The following SAMD5 variants were observed in gnomAD, a reference collection of about 807,000 sequenced individuals.
The protein encoded by SAMD5 is sterile alpha motif domain containing 5.
Under a neutral mutation model 11.3 loss-of-function variants are expected in SAMD5, and 13 were observed. The ratio of observed to expected loss-of-function variants is 1.15; its 90% CI spans 0.75 to 1.83. The LOEUF (loss-of-function observed/expected upper bound fraction) is 1.83, where lower values mean the gene tolerates loss of function less well. Among genes scored for constraint, SAMD5 ranks in the 40% most tolerant of loss-of-function variants. The pLI is 0.00. For missense variants in SAMD5, 255 were observed against 239.1 expected, an observed-to-expected ratio of 1.07 and a Z score of -0.44; for synonymous variants, 129 against 111.3, an observed-to-expected ratio of 1.16 and a Z score of -1.00.
At chr6:147,742,645 AG>A in the SAMD5 span, among the ~76,000 whole-genome samples, 1 of 152,292 alleles carries the variant, frequency 6.6e-6, no homozygotes, top group Admixed American at 6.5e-5. Flanking sequence ...CATGGGCTGA[AG>A]GGGGCAGTAC....
At chr6:147,753,521 G>A in the SAMD5 span, among the ~76,000 whole-genome samples, 3 of 152,198 alleles carry the variant, frequency 2.0e-5, no homozygotes, top group Admixed American at 6.5e-5. Flanking sequence ...GAATGGGATA[G>A]GTATCCGTCC....
At chr6:147,904,730 G>A in the SAMD5 span, among the ~76,000 whole-genome samples, 7 of 152,026 alleles carry the variant, frequency 4.6e-5, no homozygotes, top group Non-Finnish European at 5.9e-5. Context: ...TCCCGCTTGC[G>A]GTTGCCAGCT....
chr6:147,880,055 T>C, the SAMD5 span, among the ~76,000 whole-genome samples: 2 of 152,248 alleles, frequency 1.3e-5, no homozygotes, highest in Non-Finnish European at 2.9e-5. Context: ...GAACATCTGC[T>C]ATGGGTCATG....
At chr6:147,509,493 C>A in intron 1 of SAMD5, 106 bp downstream of exon 1, 2 of 1,001,732 alleles carry the variant, frequency 2.0e-6, no homozygotes, top group Non-Finnish European at 2.8e-6. Context: ...GACGGAGAGG[C>A]CAGGAGGCTT....
the SAMD5 span, among the ~76,000 whole-genome samples, chr6:147,790,195 C>T: frequency 2.0e-5 from 3 of 152,170 alleles, no homozygotes; most frequent in African/African-American, 7.2e-5. Flanking sequence ...AATGTGTAAA[C>T]AAACTGTGGT....
intron 1 of SAMD5, among the ~76,000 whole-genome samples, chr6:147,600,115 T>C (rs1353533908): frequency 6.6e-6 from 1 of 152,110 alleles, no homozygotes; most frequent in South Asian, 2.1e-4. Flanking sequence ...TGGATCCTCT[T>C]TGCACTGTGG....
At chr6:147,726,765 T>C (rs1052540411) in intron 1 of SAMD5, among the ~76,000 whole-genome samples, 1 of 152,186 alleles carries the variant, frequency 6.6e-6, no homozygotes, top group African/African-American at 2.4e-5. Flanking sequence ...ACATGTGACA[T>C]AAAGTCATCA....
chr6:147,561,267 A>T (rs1371243973), intron 1 of SAMD5, among the ~76,000 whole-genome samples: 2 of 152,164 alleles, frequency 1.3e-5, no homozygotes, highest in Admixed American at 1.3e-4. Flanking sequence ...GGCTCACTGC[A>T]ACCTCCAGCT....
At chr6:147,910,998 G>C in the SAMD5 span, among the ~76,000 whole-genome samples, 2 of 152,126 alleles carry the variant, frequency 1.3e-5, no homozygotes, top group African/African-American at 4.8e-5. Flanking sequence ...CTCGAGAATT[G>C]AATGTTCTGT....
At chr6:147,811,576 G>C in the SAMD5 span, among the ~76,000 whole-genome samples, 1 of 152,116 alleles carries the variant, frequency 6.6e-6, no homozygotes, top group African/African-American at 2.4e-5. Context: ...GCACAACAAG[G>C]AGGCAGTTGT....
chr6:147,611,857 T>C (rs963723680), intron 1 of SAMD5, among the ~76,000 whole-genome samples: 19 of 152,266 alleles, frequency 1.2e-4, no homozygotes, highest in African/African-American at 3.8e-4. Flanking sequence ...GTCAGCTTCA[T>C]GGAGATGAAA....
rs149790877 is a variant in SAMD5, at chr6:147,580,485, G to T, written c.162+71098G>T. Among the ~76,000 whole-genome samples, 214 of 151,996 alleles carry T rather than the reference G, an allele frequency of 1.4e-3. 2 individuals carry two copies. Among genetic ancestry groups the T allele is most frequent in the African/African-American group, 4.7e-3 (195 of 41,444 alleles). ...CATTCTCATTTCTGTAATTATATTT[G>T]TCTAGACTAGCACTGTCAAATAGGA... On this transcript the variant is annotated intron_variant, in intron 1 of 1. Transcript: ENST00000566741.
intron 1 of SAMD5, among the ~76,000 whole-genome samples, chr6:147,592,604 G>T (rs937929647): frequency 3.3e-5 from 5 of 151,948 alleles, no homozygotes; most frequent in Non-Finnish European, 5.9e-5. Flanking sequence ...TAAAAGCCTA[G>T]GTTCATGTGT....
At chr6:147,590,660 G>A (rs844567) in intron 1 of SAMD5, among the ~76,000 whole-genome samples, 8,954 of 152,124 alleles carry the variant, frequency 0.059, 412 homozygotes, top group African/African-American at 0.13. Context: ...TGATCTGCCC[G>A]CCTCAGCCTC....
chr6:147,558,762 T>A (rs1008445182), intron 1 of SAMD5, among the ~76,000 whole-genome samples: 6 of 152,100 alleles, frequency 3.9e-5, no homozygotes, highest in African/African-American at 1.4e-4. Context: ...TTCCTTCTGA[T>A]TTTGATGAGA....
chr6:147,892,686 A>G, the SAMD5 span, among the ~76,000 whole-genome samples: 5 of 152,204 alleles, frequency 3.3e-5, no homozygotes, highest in African/African-American at 7.2e-5. Context: ...AGAGCTTGGA[A>G]TAAGAGATGG....
chr6:147,787,275 T>A, the SAMD5 span, among the ~76,000 whole-genome samples: 1 of 152,140 alleles, frequency 6.6e-6, no homozygotes, highest in African/African-American at 2.4e-5. Context: ...CTGTCCTCCA[T>A]GATGGAGCAG....
chr6:147,567,906 G>A lies in SAMD5; in HGVS notation c.*3450G>A. ...ATAACACTCCATCCTGGGCAACAGA[G>A]CAAGATCCCGTCTCAAAACAAAACA... is the stretch of plus-strand genomic sequence containing the variant. On this transcript the variant is annotated 3_prime_UTR_variant, in exon 2 of 2. Transcript: ENST00000367474. 8.1e-6 allele frequency: 8 copies of A among 986,078 alleles called. No homozygotes were observed. Among genetic ancestry groups the A allele is most frequent in the Non-Finnish European group, 9.6e-6 (8 of 830,490 alleles). 61.1% of individuals were successfully genotyped at this position (986,078 alleles called of 1,614,324 possible).
At chr6:147,691,225 C>T (rs1226216535) in intron 1 of SAMD5, among the ~76,000 whole-genome samples, 1 of 152,106 alleles carries the variant, frequency 6.6e-6, no homozygotes, top group Admixed American at 6.5e-5. Context: ...AACTCCTGAC[C>T]TCAAGTGATC....
Sources: gnomAD v4.1 joint callset for allele counts (sites outside exome capture counted in the v4.1 genomes callset) on GRCh38, gnomAD v4.1.1 for gene constraint, MANE v1.5 for transcripts, NCBI Gene and HGNC (gene_info 2026-07-23, HGNC 2026-07-21) for gene names.